NUP160: variants seen among roughly 807,000 people sequenced by gnomAD.
NUP160 encodes nuclear pore complex protein Nup160.
Under a neutral mutation model 196.9 loss-of-function variants are expected in NUP160, and 94 were observed. That is an observed-to-expected ratio of 0.48 (90% CI 0.40 to 0.57). The LOEUF (loss-of-function observed/expected upper bound fraction) is 0.57. Ranked by LOEUF, NUP160 falls within the 20% of genes least tolerant of loss-of-function variation. NUP160 has a pLI of 0.00. For missense variants in NUP160, 1,638 were observed against 1,748.3 expected (o/e 0.94, Z 1.13); for synonymous variants, 605 against 619.7 (o/e 0.98, Z 0.35).
chr11:47,822,647 T>C (rs907985557), intron 7 of NUP160, among the ~76,000 whole-genome samples: 4 of 152,200 alleles, frequency 2.6e-5, no homozygotes, highest in Non-Finnish European at 5.9e-5. Context: ...TATGTATACA[T>C]GTGCCATGTT....
intron 23 of NUP160, among the ~76,000 whole-genome samples, chr11:47,799,765 C>T (rs191082095): frequency 3.7e-4 from 56 of 151,852 alleles, no homozygotes; most frequent in Middle Eastern, 6.8e-3. Context: ...GGGCTAATCT[C>T]AAACTCCTAG....
Position 47,801,793 on chromosome 11 carries a change from A to G in NUP160, c.2895+18T>C. The G allele has an allele frequency of 6.2e-7, 1 of 1,612,606 alleles. No homozygotes were observed. Among genetic ancestry groups the G allele is most frequent in the Non-Finnish European group, 8.5e-7 (1 of 1,179,206 alleles). On this transcript the variant is annotated intron_variant, in intron 23 of 35. Coordinates refer to ENST00000378460, the Ensembl canonical transcript of NUP160. ...TTTTACACAGGGTGGTATAAGGCCA[A>G]ACCAAGACATGATGTACCTTGTCAT...
At position 47,821,706 on chromosome 11, in the gene NUP160, G is replaced by A; in HGVS notation, c.1277+18C>T. ...TTGCTTGGGGTGAGGTAGGATGACAGAATTAAGTGACCCATACTGTTCAAA... is the reference window on the plus strand; with the variant it reads ...TTGCTTGGGGTGAGGTAGGATGACAAAATTAAGTGACCCATACTGTTCAAA... On this transcript the variant is annotated intron_variant, in intron 9 of 35. Coordinates refer to ENST00000378460, the Ensembl canonical transcript of NUP160. 6.3e-7 allele frequency: 1 copy of A among 1,583,356 alleles called. No homozygotes were observed. The highest frequency in any genetic ancestry group is 1.7e-5 in the Admixed American group (1 of 59,878).
intron 4 of NUP160, among the ~76,000 whole-genome samples, chr11:47,838,497 CAGG>C (rs903023325): frequency 1.3e-5 from 2 of 152,038 alleles, no homozygotes; most frequent in African/African-American, 4.8e-5. Context: ...CACTTGAGGT[CAGG>C]AGTTCGAGAC....
intron 4 of NUP160, 82 bp downstream of exon 4, chr11:47,839,761 T>C: frequency 8.7e-7 from 1 of 1,151,728 alleles, no homozygotes; most frequent in Non-Finnish European, 1.3e-6. Context: ...ATGCAATCCC[T>C]GCATTGGATG....
chr11:47,800,252 GA>G (rs1231813653), intron 23 of NUP160, among the ~76,000 whole-genome samples: 2,026 of 140,486 alleles, frequency 0.014, 39 homozygotes, highest in African/African-American at 0.047. Flanking sequence ...AAAAAAAAAG[GA>G]AAAAAAAAAA....
chr11:47,798,203 T>C, exon 25 of NUP160: 1 of 1,612,938 alleles, frequency 6.2e-7, no homozygotes. Flanking sequence ...AGGCTTCATA[T>C]GCTTGGCTAT....
intron 18 of NUP160, among the ~76,000 whole-genome samples, chr11:47,808,188 G>A (rs564141536): frequency 1.3e-5 from 2 of 152,302 alleles, no homozygotes; most frequent in East Asian, 3.9e-4. Context: ...GGCTGAGGCA[G>A]AAGAATCACT....
chr11:47,816,796 A>G (rs1361835340), intron 11 of NUP160, among the ~76,000 whole-genome samples: 1 of 135,096 alleles, frequency 7.4e-6, no homozygotes, highest in Non-Finnish European at 1.6e-5. Flanking sequence ...AAAAAAAAAA[A>G]GTCTATGTAA....
intron 13 of NUP160, 199 bp downstream of exon 13, chr11:47,815,279 TA>T (rs2097683726): frequency 2.4e-6 from 1 of 410,896 alleles, no homozygotes; most frequent in Non-Finnish European, 4.3e-6. Context: ...GTATAGAGAA[TA>T]ACACAGAAAA....
intron 11 of NUP160, among the ~76,000 whole-genome samples, chr11:47,816,898 C>T (rs2135380090): frequency 6.6e-6 from 1 of 152,010 alleles, no homozygotes; most frequent in South Asian, 2.1e-4. Flanking sequence ...ACCCCCTTGG[C>T]CTCCCAAAGT....
At chr11:47,817,731 C>T (rs1250804232) in intron 11 of NUP160, among the ~76,000 whole-genome samples, 1 of 151,540 alleles carries the variant, frequency 6.6e-6, no homozygotes, top group East Asian at 1.9e-4. Context: ...AAACAAAAAA[C>T]CACTTTAAGT....
In NUP160 at chr11:47,792,869, T is replaced by C. The variant is rs1187948014; in HGVS notation, c.3367A>G (p.Asn1123Asp). ...CAATTGAGAGCAGCCAGATAACAGT[T>C]GCCTTGTTTCTCAAGTCCCCGGAGA... The change falls in exon 28 of 36, where the codon AAC (asparagine) becomes GAC (aspartate). Residue 1123 changes from asparagine (N) to aspartate (D), a missense_variant. Transcript: ENST00000378460. 6.2e-7 allele frequency: 1 copy of C among 1,614,190 alleles called. No individual in the cohort carries two copies. Among genetic ancestry groups the C allele is most frequent in the South Asian group, 1.1e-5 (1 of 91,086 alleles).
At chr11:47,829,005 A>T (rs140603616) in intron 7 of NUP160, among the ~76,000 whole-genome samples, 24 of 152,358 alleles carry the variant, frequency 1.6e-4, no homozygotes, top group African/African-American at 5.1e-4. Context: ...AGAAGAAAAC[A>T]TAAGAGTAAA....
intron 4 of NUP160, among the ~76,000 whole-genome samples, chr11:47,838,035 G>A (rs958319979): frequency 2.0e-5 from 3 of 152,190 alleles, no homozygotes; most frequent in Non-Finnish European, 4.4e-5. Context: ...GAGAAGCAGA[G>A]ACAGTTAAAT....
chr11:47,808,468 G>A, exon 18 of NUP160: 1 of 1,613,876 alleles, frequency 6.2e-7, no homozygotes, highest in Non-Finnish European at 8.5e-7. Flanking sequence ...TAAGAGTAGG[G>A]GAGCTGTTCG....
intron 29 of NUP160, among the ~76,000 whole-genome samples, chr11:47,790,234 C>G (rs1409137264): frequency 6.6e-6 from 1 of 151,990 alleles, no homozygotes; most frequent in Non-Finnish European, 1.5e-5. Flanking sequence ...GCGTGAGTCA[C>G]TGTGCCTGGC....
chr11:47,784,235 G>C (rs886143748), intron 33 of NUP160, among the ~76,000 whole-genome samples: 1 of 152,144 alleles, frequency 6.6e-6, no homozygotes, highest in Non-Finnish European at 1.5e-5. Flanking sequence ...TGTAAGTCTA[G>C]GATGAGGAAT....
At chr11:47,804,718 A>G (rs987973113) in intron 20 of NUP160, 100 bp from the exon 21 acceptor site, 1 of 747,040 alleles carries the variant, frequency 1.3e-6, no homozygotes, top group African/African-American at 1.8e-5. Flanking sequence ...AGCTTAATTT[A>G]CATAAACAAG....
Sources: allele counts gnomAD v4.1 joint callset (sites outside exome capture counted in the v4.1 genomes callset), GRCh38; gene constraint gnomAD v4.1.1; transcripts MANE v1.5; gene names NCBI Gene and HGNC (gene_info 2026-07-23, HGNC 2026-07-21).